Variants in ALK observed in about 807,000 individuals in gnomAD.
The protein encoded by ALK is ALK tyrosine kinase receptor.
In ALK, 74 loss-of-function variants were observed where a neutral mutation model predicts 163.1. That is an observed-to-expected ratio of 0.45 (90% CI 0.38 to 0.55). ALK has a LOEUF of 0.55. ALK is among the 20% of genes least tolerant of loss of function. The pLI is 0.00. For missense variants in ALK, 2,063 were observed against 2,105.3 expected, an observed-to-expected ratio of 0.98 and a Z score of 0.39; for synonymous variants, 960 against 843.2, an observed-to-expected ratio of 1.14 and a Z score of -2.40.
At chr2:29,739,537 G>T (rs1165650809) in intron 1 of ALK, among the ~76,000 whole-genome samples, 1 of 148,210 alleles carries the variant, frequency 6.7e-6, no homozygotes, top group East Asian at 2.0e-4. Flanking sequence ...CAGCCTGGGC[G>T]ACAGTGCGTG....
chr2:29,779,041 A>G (rs1036354747), intron 1 of ALK, among the ~76,000 whole-genome samples: 1 of 152,108 alleles, frequency 6.6e-6, no homozygotes, highest in African/African-American at 2.4e-5. Flanking sequence ...CTGTAGTCCC[A>G]GCTACTTGGG....
At chr2:29,243,642 T>C (rs1252876526) in intron 12 of ALK, among the ~76,000 whole-genome samples, 1 of 152,208 alleles carries the variant, frequency 6.6e-6, no homozygotes, top group Non-Finnish European at 1.5e-5. Context: ...CCCACCTCTG[T>C]GTAAAGCACA....
chr2:29,745,406 T>C (rs1276334350), intron 1 of ALK, among the ~76,000 whole-genome samples: 1 of 152,184 alleles, frequency 6.6e-6, no homozygotes, highest in East Asian at 1.9e-4. Context: ...TGCTGGGCTC[T>C]AGAGAAGTTT....
intron 1 of ALK, among the ~76,000 whole-genome samples, chr2:29,753,321 C>A (rs1196592256): frequency 6.6e-6 from 1 of 152,194 alleles, no homozygotes; most frequent in African/African-American, 2.4e-5. Flanking sequence ...GATTTCTCTG[C>A]CGGAGGCTCC....
chr2:29,716,043 A>G (rs1679244641), intron 2 of ALK, among the ~76,000 whole-genome samples: 1 of 152,212 alleles, frequency 6.6e-6, no homozygotes, highest in African/African-American at 2.4e-5. Context: ...GATGAGAGAC[A>G]GCAGGCTTTG....
At chr2:29,771,763 TGACCTCGTGATCCGCCCGCCTC>T (rs1426811825) in intron 1 of ALK, among the ~76,000 whole-genome samples, 10 of 152,072 alleles carry the variant, frequency 6.6e-5, no homozygotes, top group African/African-American at 2.4e-4. Flanking sequence ...CTCGATTGCC[TGACCTCGTGATCCGCCCGCCTC>T]GACCTCCCAA....
At chr2:29,218,509 A>G (rs1485913485) in intron 23 of ALK, among the ~76,000 whole-genome samples, 1 of 152,126 alleles carries the variant, frequency 6.6e-6, no homozygotes, top group Non-Finnish European at 1.5e-5. Flanking sequence ...TAATATTGGA[A>G]TCATCTTTCA....
intron 23 of ALK, among the ~76,000 whole-genome samples, chr2:29,219,929 C>T (rs1669756389): frequency 6.6e-6 from 1 of 152,152 alleles, no homozygotes; most frequent in African/African-American, 2.4e-5. Context: ...TATTATTATC[C>T]CTACTTGAGA....
intron 20 of ALK, 141 bp from the exon 21 acceptor site, chr2:29,222,748 T>A: frequency 2.9e-6 from 2 of 697,280 alleles, no homozygotes; most frequent in Non-Finnish European, 5.0e-6. Context: ...AGTAATACCC[T>A]CAACATGGCT....
intron 3 of ALK, among the ~76,000 whole-genome samples, chr2:29,670,885 G>C (rs1282833204): frequency 6.6e-6 from 1 of 151,916 alleles, no homozygotes; most frequent in Non-Finnish European, 1.5e-5. Flanking sequence ...AAATTTCTCT[G>C]ATAAACTTTT....
At chr2:29,240,942 A>G (rs906476543) in intron 12 of ALK, among the ~76,000 whole-genome samples, 1 of 152,180 alleles carries the variant, frequency 6.6e-6, no homozygotes, top group African/African-American at 2.4e-5. Context: ...TCCTTTATCT[A>G]CAGTTCCAGG....
intron 4 of ALK, among the ~76,000 whole-genome samples, chr2:29,504,515 T>C (rs1473274891): frequency 2.6e-5 from 4 of 152,096 alleles, no homozygotes; most frequent in African/African-American, 9.7e-5. Flanking sequence ...TTATGGTGGC[T>C]TGGGCTAGGA....
intron 1 of ALK, chr2:29,890,292 G>A (rs1667110502): frequency 6.8e-6 from 1 of 146,496 alleles, no homozygotes; most frequent in South Asian, 2.2e-4. Context: ...GTTTCAGAAT[G>A]AAACAGTGGA....
intron 23 of ALK, among the ~76,000 whole-genome samples, 180 bp from the exon 24 acceptor site, chr2:29,214,261 C>T (rs1669541962): frequency 1.3e-5 from 2 of 152,158 alleles, no homozygotes; most frequent in Non-Finnish European, 2.9e-5. Flanking sequence ...ATTTGGATGC[C>T]TGGGCCCCAA....
chr2:29,237,150 T>G (rs1664407020), intron 13 of ALK, among the ~76,000 whole-genome samples: 1 of 152,186 alleles, frequency 6.6e-6, no homozygotes, highest in African/African-American at 2.4e-5. Flanking sequence ...ACTTTCAAAT[T>G]ACACCCAGAA....
intron 14 of ALK, 104 bp downstream of exon 14, chr2:29,233,461 C>A: frequency 6.5e-7 from 1 of 1,542,632 alleles, no homozygotes; most frequent in South Asian, 1.1e-5. Flanking sequence ...CATCTTTACA[C>A]GGGGATAAGA....
chr2:29,447,313 C>G (rs111227098), intron 4 of ALK, among the ~76,000 whole-genome samples: 1 of 152,190 alleles, frequency 6.6e-6, no homozygotes, highest in East Asian at 1.9e-4. Flanking sequence ...TACAGCAGCA[C>G]CTGGGCAGGG....
At chr2:29,631,847 C>T (rs776408591) in intron 3 of ALK, among the ~76,000 whole-genome samples, 1 of 152,238 alleles carries the variant, frequency 6.6e-6, no homozygotes, top group African/African-American at 2.4e-5. Flanking sequence ...AGCCACATAT[C>T]CTCTGCTCTA....
intron 3 of ALK, among the ~76,000 whole-genome samples, chr2:29,694,595 C>A (rs1678497426): frequency 6.6e-6 from 1 of 152,192 alleles, no homozygotes; most frequent in Non-Finnish European, 1.5e-5. Flanking sequence ...GCAGGGAAAT[C>A]TGCATGGAAG....
Sources: gnomAD v4.1 joint callset for allele counts (sites outside exome capture counted in the v4.1 genomes callset) on GRCh38, gnomAD v4.1.1 for gene constraint, MANE v1.5 for transcripts, NCBI Gene and HGNC (gene_info 2026-07-23, HGNC 2026-07-21) for gene names.